Variants in NAPA observed in about 807,000 individuals in gnomAD.
The protein encoded by NAPA is alpha-soluble NSF attachment protein.
Under a neutral mutation model 48.0 loss-of-function variants are expected in NAPA, and 18 were observed. The ratio of observed to expected loss-of-function variants is 0.38; its 90% CI spans 0.26 to 0.56. The LOEUF (loss-of-function observed/expected upper bound fraction) is 0.56, where lower values mean the gene tolerates loss of function less well. Ranked by LOEUF, NAPA falls within the 20% of genes least tolerant of loss-of-function variation. The probability of loss-of-function intolerance (pLI) is 0.77; values close to 1 mark genes in which losing one functional copy is unlikely to be tolerated. For synonymous variants in NAPA, 152 were observed against 149.9 expected, an observed-to-expected ratio of 1.01 and a Z score of -0.10; for missense variants, 315 against 385.0, an observed-to-expected ratio of 0.82 and a Z score of 1.52.
In NAPA at chr19:47,489,747, G is replaced by A; in HGVS notation, c.750C>T (p.Ala250=). The A allele has an allele frequency of 6.2e-7, 1 of 1,614,054 alleles. No individual in the cohort carries two copies. Among genetic ancestry groups the A allele is most frequent in the Non-Finnish European group, 8.5e-7 (1 of 1,179,998 alleles). ...AGCTGTCCACATTCTGCTCCTCGTG[G>A]GCCTCTAGCAATTTCTGCAAGCAAA... ...ECKLMKKLLE[A]HEEQNVDSYT... Residue 250 remains alanine (A), a synonymous_variant, in exon 10 of 11, where the codon GCC becomes GCT. Coordinates refer to ENST00000263354, the MANE Select transcript of NAPA (RefSeq NM_003827.4).
chr19:47,486,247 CG>C (rs1568460552), downstream of NAPA, among the ~76,000 whole-genome samples: 1 of 151,990 alleles, frequency 6.6e-6, no homozygotes, highest in African/African-American at 2.4e-5. Flanking sequence ...CCCAGCTACT[CG>C]GGAGACTGAG....
intron 10 of NAPA, 44 bp downstream of exon 10, chr19:47,489,667 C>T: frequency 1.9e-6 from 3 of 1,608,634 alleles, no homozygotes; most frequent in Non-Finnish European, 1.7e-6. Context: ...TCCTAGGAGA[C>T]CCATCCCCGT....
chr19:47,506,031 C>T lies in NAPA; in HGVS notation c.99-2529G>A, dbSNP rs1968687540. Reference sequence around the variant, plus strand: ...TTTTTTTTTGAGATGGAGTTTCGCTCTTGTCGCCCAGGCTGGAGTACAGTG... The same window carrying T: ...TTTTTTTTTGAGATGGAGTTTCGCTTTTGTCGCCCAGGCTGGAGTACAGTG... On this transcript the variant is annotated intron_variant, in intron 1 of 10. Transcript: ENST00000263354. The surrounding 1 kb of genome is among the most constrained non-coding windows in gnomAD (Gnocchi z 4.0). Among the ~76,000 whole-genome samples the T allele has an allele frequency of 7.1e-6, 1 of 140,520 alleles. No homozygotes were observed. Among genetic ancestry groups the T allele is most frequent in the Non-Finnish European group, 1.5e-5 (1 of 66,016 alleles). The allele number at this position is 140,520 out of a possible 152,430, so 92.2% of individuals were successfully genotyped here.
intron 1 of NAPA, among the ~76,000 whole-genome samples, chr19:47,514,180 C>T (rs377754258): frequency 3.9e-5 from 6 of 152,078 alleles, no homozygotes; most frequent in African/African-American, 1.4e-4. Flanking sequence ...TTAAACTAGT[C>T]ACTGCTAACC....
chr19:47,492,193 G>T, intron 7 of NAPA, 74 bp from the exon 8 acceptor site: 2 of 1,339,340 alleles, frequency 1.5e-6, no homozygotes, highest in Non-Finnish European at 1.1e-6. Flanking sequence ...GCCAGGCACT[G>T]GGGGGCCAGC....
downstream of NAPA, among the ~76,000 whole-genome samples, chr19:47,484,706 ATTTTTTTTTTT>A (rs35425298): frequency 7.7e-6 from 1 of 129,174 alleles, no homozygotes; most frequent in Admixed American, 8.1e-5. Flanking sequence ...ACAGTTCACT[ATTTTTTTTTTT>A]TTTTTTTTTG....
At position 47,507,952 on chromosome 19, in the gene NAPA, A is replaced by G. The variant is rs555830679; in HGVS notation, c.99-4450T>C. On this transcript the variant is annotated intron_variant, in intron 1 of 10. Coordinates refer to ENST00000263354, the MANE Select transcript of NAPA (RefSeq NM_003827.4). ...CTTGCCTCTCACTCAGTGATCAGGA[A>G]GGCTTCCTTCCCCATGCCCAAGGCT... Among the ~76,000 whole-genome samples the G allele has an allele frequency of 1.1e-4, 17 of 152,254 alleles. No individual in the cohort carries two copies. The East Asian group carries it at 3.3e-3, about 29-fold the overall frequency.
chr19:47,487,757 C>T lies in NAPA; in HGVS notation c.*531G>A, dbSNP rs1391993420. 1 of 152,186 alleles carries T rather than the reference C, an allele frequency of 6.6e-6. No individual in the cohort carries two copies. The highest frequency in any genetic ancestry group is 2.4e-5 in the African/African-American group (1 of 41,360). The allele number at this position is 152,186 out of a possible 1,614,324, so 9.4% of individuals were successfully genotyped here. A position where few individuals can be genotyped will look rare whatever the true frequency, so the allele number is the denominator to read the frequency against. On this transcript the variant is annotated 3_prime_UTR_variant, in exon 11 of 11. Coordinates refer to ENST00000263354, the MANE Select transcript of NAPA (RefSeq NM_003827.4). ...GCTGGGGTGGGGAGAATCCCCTAAG[C>T]TCCAGGGCCCAGGGTCTAACCTGAG...
At position 47,492,970 on chromosome 19, in the gene NAPA, G is replaced by C; in HGVS notation, c.552C>G (p.Ile184Met). ...CCCCACCTGTCCCCACCTGTTCGTA[G>C]ATGTCAATGGCCTTCTGATACTGCT... is the stretch of plus-strand genomic sequence containing the variant. Reference protein sequence around the residue: ...LLEQYQKAIDIYEQVGTNAMD... With the variant: ...LLEQYQKAIDMYEQVGTNAMD... Residue 184 changes from isoleucine (I) to methionine (M), a missense_variant, in exon 7 of 11, where the codon ATC (isoleucine) becomes ATG (methionine). Ile to Met is a conservative substitution (Grantham distance 10). This residue lies in a region of NAPA where 137 missense variants were observed against 150.1 expected (regional missense o/e 0.91). Transcript: ENST00000263354. 6.2e-7 allele frequency: 1 copy of C among 1,614,156 alleles called. No homozygotes were observed. The highest frequency in any genetic ancestry group is 8.5e-7 in the Non-Finnish European group (1 of 1,180,002).
At position 47,494,757 on chromosome 19, in the gene NAPA, AAGAG is replaced by A. The variant is rs1208593556; in HGVS notation, c.342+789_342+792del. Among the ~76,000 whole-genome samples the A allele has an allele frequency of 4.8e-3, 706 of 145,766 alleles. 30 individuals are homozygous for A. The highest frequency in any genetic ancestry group is 0.01 in the African/African-American group (394 of 39,300). On this transcript the variant is annotated intron_variant, in intron 4 of 10. Coordinates refer to ENST00000263354, the MANE Select transcript of NAPA (RefSeq NM_003827.4). ...TCTCAAAAAAAAAAAAAAAAAAAAAAAGAGAGAGAGAGAAAGCACTGACAGGAGC... is the reference window on the plus strand; with the variant it reads ...TCTCAAAAAAAAAAAAAAAAAAAAAAAGAGAGAGAAAGCACTGACAGGAGC...
intron 2 of NAPA, among the ~76,000 whole-genome samples, chr19:47,502,388 T>C (rs1280541546): frequency 6.6e-6 from 1 of 152,054 alleles, no homozygotes; most frequent in Non-Finnish European, 1.5e-5. Flanking sequence ...AAAAATAAGC[T>C]TTTTTTCTCT....
rs186276805 is a variant in NAPA, at chr19:47,497,668, C to A, written c.296-2072G>T. On this transcript the variant is annotated intron_variant, in intron 3 of 10. Transcript: ENST00000263354. Reference sequence around the variant, plus strand: ...GTTGGGGAGCTATGGCCCAGGCCACCGCCCATCCCCGCAGTCACTCCTACC... The same window carrying A: ...GTTGGGGAGCTATGGCCCAGGCCACAGCCCATCCCCGCAGTCACTCCTACC... 2.0e-5 allele frequency among the ~76,000 whole-genome samples: 3 copies of A among 152,350 alleles called. No homozygotes were observed. In the South Asian group the frequency reaches 6.2e-4, roughly 32 times the overall value.
chr19:47,500,947 GCT>G (rs1659408767), intron 2 of NAPA, among the ~76,000 whole-genome samples, 198 bp from the exon 3 acceptor site: 1 of 152,160 alleles, frequency 6.6e-6, no homozygotes, highest in African/African-American at 2.4e-5. Context: ...AGGTCTGCTG[GCT>G]CCTGCGCTGA....
At chr19:47,494,797 G>T (rs890711337) in intron 4 of NAPA, among the ~76,000 whole-genome samples, 1 of 151,856 alleles carries the variant, frequency 6.6e-6, no homozygotes. Flanking sequence ...CCCGGCCTGG[G>T]TGGGACCCTT....
chr19:47,496,275 T>A (rs1157555136), intron 3 of NAPA: 1 of 152,680 alleles, frequency 6.5e-6, no homozygotes, highest in African/African-American at 2.4e-5. Flanking sequence ...ACCCACCAGC[T>A]CCTCAAAGGT....
In NAPA at chr19:47,495,439, A is replaced by G. The variant is rs554092360; in HGVS notation, c.342+111T>C. 2.6e-5 allele frequency: 32 copies of G among 1,225,908 alleles called. No homozygotes were observed. In the Admixed American group the frequency reaches 5.2e-4, roughly 20 times the overall value. The allele number at this position is 1,225,908 out of a possible 1,614,324, so 75.9% of individuals were successfully genotyped here. A position where few individuals can be genotyped will look rare whatever the true frequency, so the allele number is the denominator to read the frequency against. On this transcript the variant is annotated intron_variant, in intron 4 of 10. Coordinates refer to ENST00000263354, the MANE Select transcript of NAPA (RefSeq NM_003827.4). The stretch of plus-strand genomic sequence containing the variant: ...CCCAGCTCCCACTTCCCCCTCCCCA[A>G]GTGGTTTGGCCGCAGAATAAGAACA...
rs73940866 is a variant in NAPA at position 47,495,512 on chromosome 19, G to A, written c.342+38C>T. ...GGACGCAAGGCTGGGGCAATGCAGT[G>A]GGACCCGGGGGTGTCAGGACAAGCA... On this transcript the variant is annotated intron_variant, in intron 4 of 10. Transcript: ENST00000263354. 10,863 of 1,608,340 alleles carry A rather than the reference G, an allele frequency of 6.8e-3. 562 individuals carry two copies. The African/African-American group carries it at 0.12, about 18-fold the overall frequency.
intron 3 of NAPA, chr19:47,496,819 T>G: frequency 2.2e-6 from 1 of 452,210 alleles, no homozygotes. Flanking sequence ...CCCCTCCTTC[T>G]GACATGTAAA....
Position 47,495,608 on chromosome 19 carries a change from G to A in NAPA, c.296-12C>T, listed in dbSNP as rs769961618. On this transcript the variant is annotated splice_polypyrimidine_tract_variant and intron_variant, in intron 3 of 10. Transcript: ENST00000263354. Reference sequence around the variant, plus strand: ...ACAGTTAATGGCCTCTGGAGAGAAAGGGAGGTGGGAGGAGACATGAGAAAG... The same window carrying A: ...ACAGTTAATGGCCTCTGGAGAGAAAAGGAGGTGGGAGGAGACATGAGAAAG... 3 of 1,613,494 alleles carry A rather than the reference G, an allele frequency of 1.9e-6. No individual in the cohort carries two copies. The highest frequency in any genetic ancestry group is 1.3e-5 in the African/African-American group (1 of 74,842).
Sources: gnomAD v4.1 joint callset for allele counts (sites outside exome capture counted in the v4.1 genomes callset) on GRCh38, gnomAD v4.1.1 for gene constraint, gnomAD v4.1.1 regional missense constraint, Gnocchi (gnomAD v3.1) non-coding constraint, MANE v1.5 for transcripts, NCBI Gene and HGNC (gene_info 2026-07-23, HGNC 2026-07-21) for gene names.